OXR1: variants seen among roughly 807,000 people sequenced by gnomAD.
OXR1 encodes the protein oxidation resistance 1, also known as oxidation resistance protein 1.
Under a neutral mutation model 104.6 loss-of-function variants are expected in OXR1, and 41 were observed. That is an observed-to-expected ratio of 0.39 (90% CI 0.31 to 0.51). The LOEUF (loss-of-function observed/expected upper bound fraction) is 0.51, where lower values mean the gene tolerates loss of function less well. OXR1 is among the 20% of genes least tolerant of loss of function. OXR1 has a pLI of 0.77. For synonymous variants in OXR1, 348 were observed against 348.4 expected (o/e 1.00, Z 0.01); for missense variants, 955 against 1,031.9 (o/e 0.93, Z 1.02).
chr8:106,487,341 T>TTTTC (rs1554581706), intron 2 of OXR1, among the ~76,000 whole-genome samples: 1 of 146,418 alleles, frequency 6.8e-6, no homozygotes, highest in African/African-American at 2.6e-5. Flanking sequence ...AGGTATTTCT[T>TTTTC]TTTTTTTTTT....
intron 3 of OXR1, among the ~76,000 whole-genome samples, chr8:106,612,574 G>T (rs1820896857): frequency 6.6e-6 from 1 of 151,680 alleles, no homozygotes; most frequent in African/African-American, 2.4e-5. Flanking sequence ...TGACAATTTT[G>T]TATTTTCTAA....
intron 2 of OXR1, among the ~76,000 whole-genome samples, chr8:106,461,764 T>G (rs551407790): frequency 6.6e-6 from 1 of 152,256 alleles, no homozygotes; most frequent in East Asian, 1.9e-4. Flanking sequence ...ACAGATAATA[T>G]GCGCAGTGTC....
chr8:106,674,083 C>T (rs1008507960), intron 3 of OXR1, among the ~76,000 whole-genome samples: 5 of 152,202 alleles, frequency 3.3e-5, no homozygotes, highest in Non-Finnish European at 7.3e-5. Context: ...GGCCTACCTT[C>T]CTCCAGACCT....
chr8:106,512,050 A>G (rs1812567324), intron 2 of OXR1, among the ~76,000 whole-genome samples: 1 of 152,216 alleles, frequency 6.6e-6, no homozygotes, highest in African/African-American at 2.4e-5. Context: ...GCAAACATTT[A>G]TACGATACTT....
intron 10 of OXR1, among the ~76,000 whole-genome samples, chr8:106,711,894 A>C (rs1831728754): frequency 6.6e-6 from 1 of 152,180 alleles, no homozygotes; most frequent in Non-Finnish European, 1.5e-5. Flanking sequence ...TCTACTTCTA[A>C]GATAATGCTA....
intron 15 of OXR1, among the ~76,000 whole-genome samples, chr8:106,743,158 C>CA (rs1019177069): frequency 9.9e-5 from 15 of 151,756 alleles, no homozygotes; most frequent in African/African-American, 2.4e-4. Flanking sequence ...TACATGTGGC[C>CA]AAAAAAACCT....
intron 10 of OXR1, 74 bp from the exon 11 acceptor site, chr8:106,713,749 T>C: frequency 1.2e-6 from 1 of 818,296 alleles, no homozygotes; most frequent in Non-Finnish European, 1.8e-6. Flanking sequence ...TTTATCAAGA[T>C]ATTTTACAAA....
chr8:106,444,754 C>G (rs763292302), intron 2 of OXR1, among the ~76,000 whole-genome samples: 7 of 151,972 alleles, frequency 4.6e-5, no homozygotes, highest in Non-Finnish European at 1.0e-4. Context: ...CCATGGCACA[C>G]GTATACCTAT....
chr8:106,381,611 C>A (rs1003489515), intron 2 of OXR1, among the ~76,000 whole-genome samples: 1 of 152,098 alleles, frequency 6.6e-6, no homozygotes, highest in Admixed American at 6.5e-5. Context: ...CAGGTTATAC[C>A]TTTACTGTTC....
chr8:106,310,748 C>T (rs1813666656), intron 1 of OXR1, among the ~76,000 whole-genome samples: 1 of 152,184 alleles, frequency 6.6e-6, no homozygotes, highest in Admixed American at 6.5e-5. Context: ...TCTTCTAGCA[C>T]TCAATTATTG....
At chr8:106,590,327 G>A (rs1246243705) in intron 3 of OXR1, among the ~76,000 whole-genome samples, 1 of 152,078 alleles carries the variant, frequency 6.6e-6, no homozygotes, top group Non-Finnish European at 1.5e-5. Context: ...TCGCTCTGTC[G>A]CCCAGGCTGG....
chr8:106,680,698 G>T (rs1195811264), intron 4 of OXR1, among the ~76,000 whole-genome samples: 1 of 152,104 alleles, frequency 6.6e-6, no homozygotes, highest in East Asian at 1.9e-4. Flanking sequence ...GAGTGCTTAA[G>T]AACTTTATAA....
At chr8:106,303,562 ACTT>A (rs1258764765) in intron 1 of OXR1, among the ~76,000 whole-genome samples, 3 of 151,954 alleles carry the variant, frequency 2.0e-5, no homozygotes, top group Non-Finnish European at 4.4e-5. Context: ...TGTATACCTT[ACTT>A]CATTCAATCA....
At chr8:106,444,918 G>T (rs564380133) in intron 2 of OXR1, among the ~76,000 whole-genome samples, 4 of 152,016 alleles carry the variant, frequency 2.6e-5, no homozygotes, top group African/African-American at 9.7e-5. Context: ...ACACCACACA[G>T]ATATTAGCAT....
chr8:106,677,533 C>T (rs1179134700), intron 3 of OXR1, among the ~76,000 whole-genome samples: 3 of 151,946 alleles, frequency 2.0e-5, no homozygotes, highest in Non-Finnish European at 2.9e-5. Context: ...TTTACCAACC[C>T]GATAGGTGTG....
chr8:106,426,405 T>C (rs1819122178), intron 2 of OXR1, among the ~76,000 whole-genome samples: 1 of 152,160 alleles, frequency 6.6e-6, no homozygotes, highest in Non-Finnish European at 1.5e-5. Flanking sequence ...ATAGTACTTA[T>C]GTCTTGAAAA....
At chr8:106,458,328 G>C (rs552254115) in intron 2 of OXR1, among the ~76,000 whole-genome samples, 1 of 152,134 alleles carries the variant, frequency 6.6e-6, no homozygotes, top group Admixed American at 6.6e-5. Context: ...CTGTGGCTCA[G>C]TTGGGCCTAG....
intron 3 of OXR1, among the ~76,000 whole-genome samples, chr8:106,676,730 T>A (rs764207576): frequency 6.6e-6 from 1 of 152,252 alleles, no homozygotes; most frequent in East Asian, 1.9e-4. Flanking sequence ...ATGTTGTGAT[T>A]ATTTGATTGT....
intron 3 of OXR1, among the ~76,000 whole-genome samples, chr8:106,530,620 A>C (rs1019707693): frequency 6.6e-6 from 1 of 152,204 alleles, no homozygotes; most frequent in Non-Finnish European, 1.5e-5. Context: ...GTTTCTACCA[A>C]AGTTTTGAAA....
Sources: gnomAD v4.1 joint callset for allele counts (sites outside exome capture counted in the v4.1 genomes callset) on GRCh38, gnomAD v4.1.1 for gene constraint, MANE v1.5 for transcripts, NCBI Gene and HGNC (gene_info 2026-07-23, HGNC 2026-07-21) for gene names.